TGM4: variants seen among roughly 807,000 people sequenced by gnomAD.
The protein encoded by TGM4 is protein-glutamine gamma-glutamyltransferase 4.
Under a neutral mutation model 76.3 loss-of-function variants are expected in TGM4, and 61 were observed. That is an observed-to-expected ratio of 0.80 (90% CI 0.65 to 0.99). TGM4 has a LOEUF of 0.99. Ranked by LOEUF, TGM4 falls within the 50% of genes least tolerant of loss-of-function variation. TGM4 has a pLI of 0.00. For missense variants in TGM4, 794 were observed against 843.2 expected, an observed-to-expected ratio of 0.94 and a Z score of 0.72; for synonymous variants, 337 against 329.8, an observed-to-expected ratio of 1.02 and a Z score of -0.24.
intron 1 of TGM4, among the ~76,000 whole-genome samples, chr3:44,884,295 A>G (rs950722029): frequency 1.3e-5 from 2 of 152,176 alleles, no homozygotes; most frequent in Non-Finnish European, 2.9e-5. Flanking sequence ...TTCATGACTC[A>G]TGAGCCTGGG....
At chr3:44,885,556 A>G in intron 2 of TGM4, 58 bp downstream of exon 2, 1 of 1,558,384 alleles carries the variant, frequency 6.4e-7, no homozygotes, top group Non-Finnish European at 8.7e-7. Context: ...GTGTCTGTGG[A>G]TGCTGGAGTG....
At position 44,901,913 on chromosome 3, in the gene TGM4, T is replaced by C; in HGVS notation, c.953T>C (p.Met318Thr). Reference protein sequence around the residue: ...VNENGEKITSMTHDSVWNFHV... With the variant: ...VNENGEKITSTTHDSVWNFHV... ...GAGAATGGCGAGAAAATCACCAGTA[T>C]GACCCACGACTCTGTCTGGTAGGGT... is the stretch of plus-strand genomic sequence containing the variant. Residue 318 changes from methionine (M) to threonine (T), a missense_variant, in exon 8 of 14, where the codon ATG becomes ACG. Physicochemically the swap from Met to Thr is moderately conservative, Grantham distance 81 (BLOSUM62 -1). Coordinates refer to ENST00000296125, the MANE Select transcript of TGM4 (RefSeq NM_003241.4). 6.2e-7 allele frequency: 1 copy of C among 1,614,130 alleles called. No homozygotes were observed. The highest frequency in any genetic ancestry group is 8.5e-7 in the Non-Finnish European group (1 of 1,179,974).
At position 44,913,623 on chromosome 3, in the gene TGM4, A is replaced by G. The variant is rs1700038774; in HGVS notation, c.1953A>G (p.Lys651=). 1 of 1,614,048 alleles carries G rather than the reference A, an allele frequency of 6.2e-7. No homozygotes were observed. Among genetic ancestry groups the G allele is most frequent in the South Asian group, 1.1e-5 (1 of 91,082 alleles). ...GTGAGACCATCCAATCCCAAATAAAATGCACCCCAATAAAAACTGGACCCA... is the reference window on the plus strand; with the variant it reads ...GTGAGACCATCCAATCCCAAATAAAGTGCACCCCAATAAAAACTGGACCCA... The part of the protein sequence containing the change: ...QPGETIQSQI[K]CTPIKTGPKK... The change falls in exon 14 of 14, where the codon AAA becomes AAG. Residue 651 remains lysine, a synonymous_variant. Coordinates refer to ENST00000296125, the MANE Select transcript of TGM4 (RefSeq NM_003241.4).
intron 8 of TGM4, chr3:44,903,445 G>A (rs1699880310): frequency 6.5e-6 from 1 of 154,106 alleles, no homozygotes; most frequent in African/African-American, 2.4e-5. Context: ...TGAAATAACA[G>A]TTGTAATCTT....
intron 1 of TGM4, among the ~76,000 whole-genome samples, chr3:44,878,865 A>G (rs940570404): frequency 6.6e-6 from 1 of 152,158 alleles, no homozygotes; most frequent in Non-Finnish European, 1.5e-5. Context: ...GTTTTCAACC[A>G]TCACCTCTTC....
chr3:44,891,277 A>C (rs907860375), intron 4 of TGM4, among the ~76,000 whole-genome samples: 2 of 152,020 alleles, frequency 1.3e-5, no homozygotes, highest in African/African-American at 4.8e-5. Context: ...TTCTATGTCA[A>C]CCCTTTCCAC....
chr3:44,891,516 C>G (rs1445728844), intron 4 of TGM4, among the ~76,000 whole-genome samples: 2 of 85,540 alleles, frequency 2.3e-5, no homozygotes, highest in African/African-American at 1.4e-4. Context: ...CTCCTCTACA[C>G]ACACACACAC....
Position 44,884,151 on chromosome 3 carries a change from G to A in TGM4, c.20-1174G>A, listed in dbSNP as rs552280140. ...GTTTTACCATGCCCTCTGCACACTC[G>A]AATTGCCTGGAAAGCTTTGAAAACA... On this transcript the variant is annotated intron_variant, in intron 1 of 13. Coordinates refer to ENST00000296125, the MANE Select transcript of TGM4 (RefSeq NM_003241.4). 4.6e-5 allele frequency among the ~76,000 whole-genome samples: 7 copies of A among 152,292 alleles called. No homozygotes were observed. In the South Asian group the frequency reaches 1.2e-3, roughly 27 times the overall value.
chr3:44,897,011 T>C (rs931163013), intron 6 of TGM4, among the ~76,000 whole-genome samples, 195 bp downstream of exon 6: 1 of 148,710 alleles, frequency 6.7e-6, no homozygotes, highest in Non-Finnish European at 1.5e-5. Context: ...TTTTTTTTTT[T>C]TTTTTTTTTT....
At chr3:44,905,291 C>CTTT (rs5848717) in intron 9 of TGM4, among the ~76,000 whole-genome samples, 1 of 148,536 alleles carries the variant, frequency 6.7e-6, no homozygotes, top group African/African-American at 2.5e-5. Context: ...CAGCCTCAAA[C>CTTT]TTTTTTTTTT....
intron 13 of TGM4, among the ~76,000 whole-genome samples, chr3:44,912,378 G>T (rs1223719923): frequency 1.3e-5 from 2 of 152,084 alleles, no homozygotes; most frequent in Non-Finnish European, 2.9e-5. Flanking sequence ...GGTTTTCCTA[G>T]TACTTTGTAG....
chr3:44,879,781 TA>T (rs1294576795), intron 1 of TGM4, among the ~76,000 whole-genome samples: 2 of 150,308 alleles, frequency 1.3e-5, no homozygotes, highest in African/African-American at 4.9e-5. Flanking sequence ...CCCGGCCCTA[TA>T]TTTTTTAATA....
At chr3:44,879,255 CTCTCTCTCTCTATATATA>C (rs904483654) in intron 1 of TGM4, among the ~76,000 whole-genome samples, 2 of 99,898 alleles carry the variant, frequency 2.0e-5, no homozygotes, top group African/African-American at 6.2e-5. Context: ...CTCTCTCTCT[CTCTCTCTCTCTATATATA>C]TATATATATA....
rs1190346606 is a variant in TGM4 at position 44,907,018 on chromosome 3, C to T, written c.1145C>T (p.Thr382Ile). The T allele has an allele frequency of 2.5e-6, 4 of 1,614,118 alleles. No individual in the cohort carries two copies. Among genetic ancestry groups the T allele is most frequent in the Admixed American group, 1.7e-5 (1 of 60,022 alleles). Residue 382 changes from threonine to isoleucine, a missense_variant, in exon 10 of 14, where the codon ACC (threonine) becomes ATC (isoleucine). Thr to Ile is a moderately conservative substitution (Grantham distance 89). Coordinates refer to ENST00000296125, the MANE Select transcript of TGM4 (RefSeq NM_003241.4). ...GGTGACATCTTTATTGTCTATGACA[C>T]CAGATTCGTCTTCTCAGAAGTGAAT... ...RKGDIFIVYD[T>I]RFVFSEVNGD...
intron 2 of TGM4, among the ~76,000 whole-genome samples, chr3:44,885,751 G>T (rs1441132392): frequency 6.6e-6 from 1 of 152,176 alleles, no homozygotes; most frequent in East Asian, 1.9e-4. Context: ...GAGAGAGGAG[G>T]TGACTCAGCG....
At chr3:44,892,216 C>T (rs1293464400) in intron 4 of TGM4, among the ~76,000 whole-genome samples, 6 of 151,442 alleles carry the variant, frequency 4.0e-5, no homozygotes, top group Admixed American at 6.6e-5. Context: ...TGAGATCACG[C>T]CACTGCACTC....
chr3:44,883,776 T>G (rs1342751238), intron 1 of TGM4, among the ~76,000 whole-genome samples: 2 of 152,196 alleles, frequency 1.3e-5, no homozygotes, highest in Non-Finnish European at 2.9e-5. Flanking sequence ...TGAGCTGTGC[T>G]GTCTCCAAAC....
intron 4 of TGM4, 99 bp from the exon 5 acceptor site, chr3:44,893,478 A>T: frequency 9.7e-7 from 1 of 1,030,950 alleles, no homozygotes; most frequent in Non-Finnish European, 1.5e-6. Flanking sequence ...CCCCTCACAA[A>T]GACCTTGAAT....
At chr3:44,875,793 A>G (rs1699444160) in intron 1 of TGM4, among the ~76,000 whole-genome samples, 1 of 152,184 alleles carries the variant, frequency 6.6e-6, no homozygotes, top group African/African-American at 2.4e-5. Context: ...GGAGGGTGAC[A>G]TTGCGAAATA....
Sources: gnomAD v4.1 joint callset for allele counts (sites outside exome capture counted in the v4.1 genomes callset) on GRCh38, gnomAD v4.1.1 for gene constraint, MANE v1.5 for transcripts, NCBI Gene and HGNC (gene_info 2026-07-23, HGNC 2026-07-21) for gene names.